SNX18: variants seen among roughly 807,000 people sequenced by gnomAD.
SNX18 encodes the protein sorting nexin 18.
A neutral mutation model predicts 48.7 loss-of-function variants in SNX18; 35 were observed. That is an observed-to-expected ratio of 0.72 (90% CI 0.55 to 0.95). The LOEUF is 0.95. Among genes scored for constraint, SNX18 ranks in the 40% least tolerant of loss-of-function variants. The probability of loss-of-function intolerance (pLI) is 0.00; values close to 1 mark genes in which losing one functional copy is unlikely to be tolerated. For missense variants in SNX18, 824 were observed against 871.0 expected (o/e 0.95, Z 0.68); for synonymous variants, 492 against 384.7 (o/e 1.28, Z -3.26).
At chr5:54,618,996 C>T in the SNX18 span, among the ~76,000 whole-genome samples, 1 of 150,624 alleles carries the variant, frequency 6.6e-6, no homozygotes, top group Non-Finnish European at 1.5e-5. Context: ...CAAAACAAAC[C>T]ATATGAAATT....
At chr5:54,537,182 AAG>A (rs576244427) in intron 1 of SNX18, among the ~76,000 whole-genome samples, 1 of 151,770 alleles carries the variant, frequency 6.6e-6, no homozygotes, top group African/African-American at 2.4e-5. Context: ...AAATTAAATA[AAG>A]AGAGAGAGAG....
chr5:54,606,954 A>AC, the SNX18 span, among the ~76,000 whole-genome samples: 1 of 152,042 alleles, frequency 6.6e-6, no homozygotes, highest in South Asian at 2.1e-4. Flanking sequence ...CCCATTTACA[A>AC]CCACTCCTAC....
chr5:54,593,443 T>C, the SNX18 span, among the ~76,000 whole-genome samples: 1 of 152,190 alleles, frequency 6.6e-6, no homozygotes, highest in South Asian at 2.1e-4. Flanking sequence ...AGATTGAAGA[T>C]TGAATATTGT....
chr5:54,534,221 A>T (rs1489623128), intron 1 of SNX18, among the ~76,000 whole-genome samples: 1 of 147,760 alleles, frequency 6.8e-6, no homozygotes, highest in Non-Finnish European at 1.5e-5. Context: ...AAATTAAATA[A>T]GGTGCTTTCT....
the SNX18 span, among the ~76,000 whole-genome samples, chr5:54,633,803 T>C: frequency 3.3e-5 from 5 of 152,248 alleles, no homozygotes; most frequent in African/African-American, 1.2e-4. Context: ...TGTGCTGGGA[T>C]AGTAAGCCAT....
At chr5:54,574,864 T>G in the SNX18 span, among the ~76,000 whole-genome samples, 1 of 152,208 alleles carries the variant, frequency 6.6e-6, no homozygotes, top group African/African-American at 2.4e-5. Flanking sequence ...AAGGTTAGTC[T>G]GATACCAGAT....
chr5:54,558,151 C>T, the SNX18 span, among the ~76,000 whole-genome samples: 1 of 152,202 alleles, frequency 6.6e-6, no homozygotes, highest in African/African-American at 2.4e-5. Flanking sequence ...TTGAGCCCAA[C>T]TTGTCTTTCT....
chr5:54,551,468 T>C (rs1762654560), downstream of SNX18, among the ~76,000 whole-genome samples: 1 of 152,226 alleles, frequency 6.6e-6, no homozygotes, highest in African/African-American at 2.4e-5. Context: ...TGTGATGGCA[T>C]TTTGCAACTA....
At chr5:54,643,661 G>A in the SNX18 span, 5 of 152,164 alleles carry the variant, frequency 3.3e-5, no homozygotes, top group Non-Finnish European at 7.3e-5. Context: ...GGAGGAGAAC[G>A]GAAGGAAAAC....
Position 54,517,789 on chromosome 5 carries a change from G to A in SNX18, c.-164G>A. On this transcript the variant is annotated 5_prime_UTR_variant, in exon 1 of 2. Coordinates refer to ENST00000381410, the MANE Select transcript of SNX18 (RefSeq NM_001102575.2). ...GCGCTGCGAAGTGGAGGCGCTGCGA[G>A]CGGAGCCGCGCGGAGGGCGCGACCG... 11 of 588,736 alleles carry A rather than the reference G, an allele frequency of 1.9e-5. No individual in the cohort carries two copies. Among genetic ancestry groups the A allele is most frequent in the Non-Finnish European group, 2.5e-5 (10 of 407,278 alleles). The allele number at this position is 588,736 out of a possible 1,614,324, so 36.5% of individuals were successfully genotyped here. A position where few individuals can be genotyped will look rare whatever the true frequency, so the allele number is the denominator to read the frequency against.
the SNX18 span, among the ~76,000 whole-genome samples, chr5:54,552,854 G>A: frequency 6.6e-6 from 1 of 150,582 alleles, no homozygotes. Context: ...AAAACTAAGC[G>A]GGGAGGAGGG....
the SNX18 span, among the ~76,000 whole-genome samples, chr5:54,612,586 AT>A: frequency 3.9e-5 from 6 of 151,968 alleles, no homozygotes; most frequent in Non-Finnish European, 7.4e-5. Flanking sequence ...TTAAACTTGG[AT>A]TTTATCGGCA....
chr5:54,590,492 C>A, the SNX18 span, among the ~76,000 whole-genome samples: 3 of 152,128 alleles, frequency 2.0e-5, no homozygotes, highest in African/African-American at 4.8e-5. Context: ...TAAGCCAGAT[C>A]CATGTGATCA....
the SNX18 span, among the ~76,000 whole-genome samples, chr5:54,582,468 A>G: frequency 2.0e-5 from 3 of 152,136 alleles, no homozygotes; most frequent in Non-Finnish European, 4.4e-5. Context: ...TAAATGTAGA[A>G]TCTGTTTGGG....
chr5:54,558,365 C>T, the SNX18 span, among the ~76,000 whole-genome samples: 2 of 152,106 alleles, frequency 1.3e-5, no homozygotes, highest in Non-Finnish European at 2.9e-5. Context: ...TTTTTTCCTC[C>T]TTCCCTCCCT....
chr5:54,622,498 T>A, the SNX18 span, among the ~76,000 whole-genome samples: 1 of 150,526 alleles, frequency 6.6e-6, no homozygotes, highest in South Asian at 2.1e-4. Flanking sequence ...CAAGCCACTG[T>A]CTCAAAAAAA....
the SNX18 span, among the ~76,000 whole-genome samples, chr5:54,639,731 A>C: frequency 6.6e-6 from 1 of 152,234 alleles, no homozygotes; most frequent in Non-Finnish European, 1.5e-5. Context: ...TTTGTCTTGA[A>C]GAAACAAAGC....
At chr5:54,632,649 C>G in the SNX18 span, among the ~76,000 whole-genome samples, 2 of 152,114 alleles carry the variant, frequency 1.3e-5, no homozygotes, top group African/African-American at 4.8e-5. Flanking sequence ...CAACTACCAG[C>G]GAGGTCTGCT....
At chr5:54,600,976 GAACA>G in the SNX18 span, among the ~76,000 whole-genome samples, 1 of 152,124 alleles carries the variant, frequency 6.6e-6, no homozygotes, top group Non-Finnish European at 1.5e-5. Context: ...ACATGTACTA[GAACA>G]TGTACCAGAA....
Sources: allele counts gnomAD v4.1 joint callset (sites outside exome capture counted in the v4.1 genomes callset), GRCh38; gene constraint gnomAD v4.1.1; transcripts MANE v1.5; gene names NCBI Gene and HGNC (gene_info 2026-07-23, HGNC 2026-07-21).